Variants in DNAH17 observed in about 807,000 individuals in gnomAD.
The protein encoded by DNAH17 is axonemal beta dynein heavy chain 17.
A neutral mutation model predicts 485.6 loss-of-function variants in DNAH17; 376 were observed. The ratio of observed to expected loss-of-function variants is 0.77; its 90% CI spans 0.71 to 0.84. The LOEUF is 0.84. Among genes scored for constraint, DNAH17 ranks in the 40% least tolerant of loss-of-function variants. DNAH17 has a pLI of 0.00. For missense variants in DNAH17, 6,370 were observed against 5,839.3 expected (o/e 1.09, Z -2.96); for synonymous variants, 3,031 against 2,405.9 (o/e 1.26, Z -7.60).
In DNAH17 at chr17:78,569,415, G is replaced by C. The variant is rs145896153; in HGVS notation, c.1157C>G (p.Thr386Arg). Residue 386 changes from threonine (T) to arginine (R), a missense_variant, in exon 8 of 81, where the codon ACG (threonine) becomes AGG (arginine). By Grantham distance (71) the Thr-to-Arg change is moderately conservative (BLOSUM62 -1). Coordinates refer to ENST00000389840, the MANE Select transcript of DNAH17 (RefSeq NM_173628.4). ...CATGTTCACGCAGCAGAAGTCGTAC[G>C]TCTGGTAGAGCTCCTTCAGCACATT... ...AVNVLKELYQ[T>R]YDFCCVNMKL... 7 of 1,612,832 alleles carry C rather than the reference G, an allele frequency of 4.3e-6. No individual in the cohort carries two copies. Among genetic ancestry groups the C allele is most frequent in the Non-Finnish European group, 5.9e-6 (7 of 1,179,366 alleles).
chr17:78,521,638 G>A (rs1161976314), intron 25 of DNAH17, among the ~76,000 whole-genome samples: 2 of 151,986 alleles, frequency 1.3e-5, no homozygotes, highest in Non-Finnish European at 2.9e-5. Flanking sequence ...ATCTATGAAA[G>A]GAAAAATTGA....
rs561069399 is a variant in DNAH17, at chr17:78,425,322, C to T, written c.13141+24G>A. The T allele has an allele frequency of 9.3e-6, 15 of 1,605,034 alleles. No homozygotes were observed. The African/African-American group carries it at 1.9e-4, about 20-fold the overall frequency. ...GTAGCACTGGCTCTGGAAGCTTCTG[C>T]AGACAGACAAGAGCCCTCCTTACCT... On this transcript the variant is annotated intron_variant, in intron 80 of 80. Coordinates refer to ENST00000389840, the MANE Select transcript of DNAH17 (RefSeq NM_173628.4).
intron 80 of DNAH17, 116 bp from the exon 81 acceptor site, chr17:78,424,269 A>G (rs924904853): frequency 2.2e-6 from 3 of 1,352,252 alleles, no homozygotes; most frequent in South Asian, 1.5e-5. Context: ...CTCTACCCCA[A>G]AAGGCTTCAG....
chr17:78,546,526 T>C (rs1397394735), intron 16 of DNAH17, among the ~76,000 whole-genome samples: 1 of 152,230 alleles, frequency 6.6e-6, no homozygotes, highest in Non-Finnish European at 1.5e-5. Flanking sequence ...TCTTTACTGA[T>C]TTGGATAGGA....
In DNAH17 at chr17:78,428,321, C is replaced by T. The variant is rs371250540; in HGVS notation, c.12588+204G>A. On this transcript the variant is annotated intron_variant, in intron 77 of 80. Coordinates refer to ENST00000389840, the MANE Select transcript of DNAH17 (RefSeq NM_173628.4). ...CTTTTGTCTGGGCCCGTACGCTCAC[C>T]CGAAGCCTGCAGCTGCCACGTCTGA... is the stretch of plus-strand genomic sequence containing the variant. The T allele has an allele frequency of 2.4e-4, 158 of 652,396 alleles. 1 individual carries two copies. The highest frequency in any genetic ancestry group is 2.3e-3 in the African/African-American group (131 of 56,144). 40.4% of individuals were successfully genotyped at this position (652,396 alleles called of 1,614,324 possible).
At chr17:78,482,717 T>C (rs943386970) in intron 48 of DNAH17, among the ~76,000 whole-genome samples, 2 of 152,170 alleles carry the variant, frequency 1.3e-5, no homozygotes, top group Non-Finnish European at 2.9e-5. Flanking sequence ...CTTCCACAGG[T>C]GAGCATTTTC....
chr17:78,471,360 T>G (rs993646228), intron 54 of DNAH17, among the ~76,000 whole-genome samples: 3 of 152,210 alleles, frequency 2.0e-5, no homozygotes, highest in Non-Finnish European at 4.4e-5. Context: ...CAGGTGGGAC[T>G]TGAGCCAAGG....
At chr17:78,488,006 A>G (rs1402375295) in intron 44 of DNAH17, among the ~76,000 whole-genome samples, 2 of 152,248 alleles carry the variant, frequency 1.3e-5, no homozygotes, top group African/African-American at 4.8e-5. Context: ...TGTCGCAACT[A>G]AGAACTGAAT....
chr17:78,439,281 G>A, intron 72 of DNAH17, 64 bp from the exon 73 acceptor site: 4 of 1,511,238 alleles, frequency 2.6e-6, no homozygotes, highest in Non-Finnish European at 3.5e-6. Flanking sequence ...CAGGCTCTGT[G>A]ATCTACAGCC....
At chr17:78,534,196 C>T (rs1235643966) in intron 19 of DNAH17, among the ~76,000 whole-genome samples, 2 of 152,184 alleles carry the variant, frequency 1.3e-5, no homozygotes, top group Admixed American at 1.3e-4. Context: ...GGTCAGGTAC[C>T]AGACAACTGA....
chr17:78,575,642 C>G (rs956972665), intron 1 of DNAH17, among the ~76,000 whole-genome samples: 1 of 152,142 alleles, frequency 6.6e-6, no homozygotes, highest in African/African-American at 2.4e-5. Flanking sequence ...CAGCCCCCAG[C>G]GTGCACCCCT....
In DNAH17 at chr17:78,436,856, A is replaced by G. The variant is rs200130008; in HGVS notation, c.12033+785T>C. Among the ~76,000 whole-genome samples the G allele has an allele frequency of 2.0e-4, 29 of 146,842 alleles. 1 individual carries two copies. The East Asian group carries it at 5.5e-3, about 28-fold the overall frequency. On this transcript the variant is annotated intron_variant, in intron 74 of 80. Transcript: ENST00000389840. ...TGAGACTCCATCTCCAAACAAACAA[A>G]CAAACAAACAAACAAACAAACAAAC... is the stretch of plus-strand genomic sequence containing the variant.
chr17:78,466,184 A>G (rs1197329405), intron 56 of DNAH17, among the ~76,000 whole-genome samples: 1 of 152,212 alleles, frequency 6.6e-6, no homozygotes, highest in East Asian at 1.9e-4. Flanking sequence ...GGTTGAATGG[A>G]TTAAGGGCGG....
In DNAH17 at chr17:78,429,220, C is replaced by A. The variant is rs975552572; in HGVS notation, c.12306G>T (p.Leu4102=). ...GHITDDWDRR[L]CRTYLAEYIR... is the part of the protein sequence containing the mutation. ...TGTATTCAGCCAGGTAGGTCCTGCA[C>A]AGCCGACGGTCCCAGTCATCTGTGA... The change falls in exon 76 of 81, where the codon CTG becomes CTT. Residue 4102 remains leucine, a synonymous_variant. Transcript: ENST00000389840. 3 of 1,613,860 alleles carry A rather than the reference C, an allele frequency of 1.9e-6. No individual in the cohort carries two copies. Among genetic ancestry groups the A allele is most frequent in the South Asian group, 2.2e-5 (2 of 91,086 alleles).
In DNAH17 at chr17:78,571,220, G is replaced by GC; in HGVS notation, c.832+58dup. 3 of 1,479,228 alleles carry GC rather than the reference G, an allele frequency of 2.0e-6. No homozygotes were observed. In the Admixed American group the frequency reaches 5.7e-5, roughly 28 times the overall value. 91.6% of individuals were successfully genotyped at this position (1,479,228 alleles called of 1,614,324 possible). ...TAGGGTTGGTGACAAGTCTGACCCA[G>GC]CCCTCCCAGGAGGCACAAACAGCTT... On this transcript the variant is annotated intron_variant, in intron 5 of 80. Coordinates refer to ENST00000389840, the MANE Select transcript of DNAH17 (RefSeq NM_173628.4).
chr17:78,456,417 C>A (rs1269912649), intron 62 of DNAH17, among the ~76,000 whole-genome samples: 1 of 152,036 alleles, frequency 6.6e-6, no homozygotes, highest in Non-Finnish European at 1.5e-5. Context: ...CACATTGACA[C>A]CCGGCTATGG....
chr17:78,484,628 T>C (rs943300706), intron 48 of DNAH17: 3 of 321,048 alleles, frequency 9.3e-6, no homozygotes, highest in African/African-American at 2.2e-5. Flanking sequence ...AAATGGGTGA[T>C]GGACGAAACT....
In DNAH17 at chr17:78,561,595, T is replaced by C. The variant is rs868368630; in HGVS notation, c.1835+120A>G. On this transcript the variant is annotated intron_variant, in intron 12 of 80. Transcript: ENST00000389840. ...GAAGGGGTCTCTTCTGGGCTTTTGC[T>C]CTGGGAGGTAACAGTCTGGTCGACA... 46 of 1,254,906 alleles carry C rather than the reference T, an allele frequency of 3.7e-5. No individual in the cohort carries two copies. In the African/African-American group the frequency reaches 6.0e-4, roughly 16 times the overall value. 77.7% of individuals were successfully genotyped at this position (1,254,906 alleles called of 1,614,324 possible). A position where few individuals can be genotyped will look rare whatever the true frequency, so the allele number is the denominator to read the frequency against.
rs1186743542 is a variant in DNAH17 at position 78,468,688 on chromosome 17, A to C, written c.8707T>G (p.Ser2903Ala). 6 of 1,613,854 alleles carry C rather than the reference A, an allele frequency of 3.7e-6. No individual in the cohort carries two copies. In the Admixed American group the frequency reaches 6.7e-5, roughly 18 times the overall value. Residue 2903 changes from serine to alanine, a missense_variant, in exon 55 of 81, where the codon TCC (serine) becomes GCC (alanine). By Grantham distance (99) the Ser-to-Ala change is moderately conservative (BLOSUM62 1). Transcript: ENST00000389840. ...IISSMRPQVK[S>A]LGMNDTRETC... ...TCCCGAGTGTCATTCATGCCAAGGG[A>C]CTTGACTTGGGGTCGCATGGAGGAG...
Sources: gnomAD v4.1 joint callset for allele counts (sites outside exome capture counted in the v4.1 genomes callset) on GRCh38, gnomAD v4.1.1 for gene constraint, MANE v1.5 for transcripts, NCBI Gene and HGNC (gene_info 2026-07-23, HGNC 2026-07-21) for gene names.